The following TAFA1 variants were observed in gnomAD, a reference collection of about 807,000 sequenced individuals.
The protein encoded by TAFA1 is TAFA chemokine like family member 1.
In TAFA1, 4 loss-of-function variants were observed where a neutral mutation model predicts 18.5. The observed-to-expected ratio is 0.22, with a 90% CI of 0.11 to 0.49. TAFA1 has a LOEUF of 0.49. TAFA1 is among the 20% of genes least tolerant of loss of function. The probability of loss-of-function intolerance (pLI) is 0.98; values close to 1 mark genes in which losing one functional copy is unlikely to be tolerated. For synonymous variants in TAFA1, 56 were observed against 55.2 expected (o/e 1.01, Z -0.06); for missense variants, 147 against 169.0 (o/e 0.87, Z 0.72).
intron 2 of TAFA1, among the ~76,000 whole-genome samples, chr3:68,151,504 T>C (rs1330998662): frequency 6.6e-6 from 1 of 152,140 alleles, no homozygotes; most frequent in Admixed American, 6.6e-5. Context: ...TTCTGGAGGC[T>C]GGGAAGTCCA....
At chr3:68,481,909 A>G (rs2072244478) in intron 3 of TAFA1, among the ~76,000 whole-genome samples, 2 of 152,192 alleles carry the variant, frequency 1.3e-5, no homozygotes, top group Non-Finnish European at 2.9e-5. Context: ...TCTAGTTGCA[A>G]TCTTCTCAAA....
chr3:68,497,159 A>G (rs1270613533), intron 3 of TAFA1, among the ~76,000 whole-genome samples: 1 of 152,160 alleles, frequency 6.6e-6, no homozygotes, highest in Non-Finnish European at 1.5e-5. Flanking sequence ...CTATTTCAGT[A>G]CTCTACCAGC....
intron 2 of TAFA1, among the ~76,000 whole-genome samples, chr3:68,350,074 A>G (rs934828815): frequency 1.3e-5 from 2 of 152,128 alleles, no homozygotes; most frequent in South Asian, 2.1e-4. Flanking sequence ...GTGCATATGT[A>G]TAGTTATTGC....
At chr3:68,061,868 TTC>T (rs768103415) in intron 2 of TAFA1, among the ~76,000 whole-genome samples, 1 of 152,150 alleles carries the variant, frequency 6.6e-6, no homozygotes, top group African/African-American at 2.4e-5. Context: ...GCAGCATGGT[TTC>T]TCTCTTTTTG....
At position 68,217,017 on chromosome 3, in the gene TAFA1, C is replaced by G. The variant is rs1405875968; in HGVS notation, c.119-200263C>G. On this transcript the variant is annotated intron_variant, in intron 2 of 4. Transcript: ENST00000478136. The stretch of plus-strand genomic sequence containing the variant: ...CTACCCTCAAGGAGGGAGAGCACAA[C>G]TCTCTGCCCTTTAAGTATGAATTCT... Among the ~76,000 whole-genome samples, 9 of 152,160 alleles carry G rather than the reference C, an allele frequency of 5.9e-5. No homozygotes were observed. The East Asian group carries it at 1.7e-3, about 30-fold the overall frequency.
intron 2 of TAFA1, among the ~76,000 whole-genome samples, chr3:68,216,130 A>G (rs1001481784): frequency 1.3e-5 from 2 of 152,024 alleles, no homozygotes; most frequent in African/African-American, 4.8e-5. Flanking sequence ...AGAAAGTAAA[A>G]AGATTAGTGG....
chr3:68,070,131 C>T (rs1385887945), intron 2 of TAFA1, among the ~76,000 whole-genome samples: 1 of 152,232 alleles, frequency 6.6e-6, no homozygotes, highest in Non-Finnish European at 1.5e-5. Flanking sequence ...TTTCCTTCCA[C>T]ACTGCATTAG....
chr3:68,092,493 A>G (rs185964209), intron 2 of TAFA1, among the ~76,000 whole-genome samples: 21 of 152,260 alleles, frequency 1.4e-4, no homozygotes, highest in African/African-American at 5.1e-4. Flanking sequence ...TGAAGAACAG[A>G]TACCAGTGTG....
chr3:67,994,356 A>G, the TAFA1 span, among the ~76,000 whole-genome samples: 3 of 152,214 alleles, frequency 2.0e-5, no homozygotes, highest in East Asian at 5.8e-4. Flanking sequence ...TGCCTTACAC[A>G]GGGCACTTCA....
chr3:68,512,805 C>G (rs2072869289), intron 3 of TAFA1, among the ~76,000 whole-genome samples: 1 of 151,992 alleles, frequency 6.6e-6, no homozygotes, highest in Admixed American at 6.6e-5. Flanking sequence ...CTTCTGGTGT[C>G]AGAACTCATG....
At chr3:68,449,103 A>T (rs141318914) in intron 3 of TAFA1, among the ~76,000 whole-genome samples, 47 of 152,328 alleles carry the variant, frequency 3.1e-4, no homozygotes, top group Non-Finnish European at 5.4e-4. Context: ...ACTGTGGGAA[A>T]AACAGATACA....
intron 2 of TAFA1, among the ~76,000 whole-genome samples, chr3:68,315,589 A>G (rs2068594411): frequency 6.6e-6 from 1 of 152,218 alleles, no homozygotes; most frequent in African/African-American, 2.4e-5. Context: ...AGTTCTTTAT[A>G]TAGACTTTTG....
chr3:68,105,015 A>G (rs1048946322), intron 2 of TAFA1, among the ~76,000 whole-genome samples: 5 of 152,176 alleles, frequency 3.3e-5, no homozygotes, highest in Non-Finnish European at 7.3e-5. Context: ...GATTCCAGTC[A>G]TGGTGGAAGC....
chr3:68,330,117 C>G (rs886230053), intron 2 of TAFA1, among the ~76,000 whole-genome samples: 3 of 152,136 alleles, frequency 2.0e-5, no homozygotes, highest in African/African-American at 4.8e-5. Context: ...TGGCCTAATT[C>G]TTACAGAAAC....
chr3:68,438,627 G>T (rs762593610), intron 3 of TAFA1, among the ~76,000 whole-genome samples: 7 of 152,216 alleles, frequency 4.6e-5, no homozygotes, highest in African/African-American at 7.2e-5. Context: ...TTTCCACTCA[G>T]CATTGCTCTA....
the TAFA1 span, among the ~76,000 whole-genome samples, chr3:67,994,030 G>A: frequency 6.6e-6 from 1 of 152,110 alleles, no homozygotes; most frequent in Admixed American, 6.6e-5. Context: ...TGAGCTGTGT[G>A]ATATATATTT....
intron 2 of TAFA1, among the ~76,000 whole-genome samples, chr3:68,392,935 C>A (rs1013220735): frequency 6.6e-6 from 1 of 151,986 alleles, no homozygotes; most frequent in South Asian, 2.1e-4. Context: ...CCTAACGTCA[C>A]AATTAAAAGA....
chr3:68,429,792 G>C (rs2071132998), intron 3 of TAFA1, among the ~76,000 whole-genome samples: 1 of 151,760 alleles, frequency 6.6e-6, no homozygotes, highest in Non-Finnish European at 1.5e-5. Flanking sequence ...ACTCAACTTA[G>C]ATCATCAATT....
At chr3:68,343,810 A>G (rs1465269561) in intron 2 of TAFA1, among the ~76,000 whole-genome samples, 1 of 152,052 alleles carries the variant, frequency 6.6e-6, no homozygotes, top group East Asian at 1.9e-4. Flanking sequence ...GCTGCTGTCC[A>G]ATCTGATTCT....
Sources: gnomAD v4.1 joint callset for allele counts (sites outside exome capture counted in the v4.1 genomes callset) on GRCh38, gnomAD v4.1.1 for gene constraint, MANE v1.5 for transcripts, NCBI Gene and HGNC (gene_info 2026-07-23, HGNC 2026-07-21) for gene names.